Variants in METAP1 observed in about 807,000 individuals in gnomAD.
METAP1 encodes methionyl aminopeptidase 1, also known as methionine aminopeptidase 1.
A neutral mutation model predicts 53.8 loss-of-function variants in METAP1; 28 were observed. The ratio of observed to expected loss-of-function variants is 0.52; its 90% CI spans 0.39 to 0.71. METAP1 has a LOEUF of 0.71. Among genes scored for constraint, METAP1 ranks in the 30% least tolerant of loss-of-function variants. METAP1 has a pLI of 0.00. For synonymous variants in METAP1, 181 were observed against 165.7 expected (o/e 1.09, Z -0.71); for missense variants, 389 against 479.8 (o/e 0.81, Z 1.77).
chr4:98,995,978 C>T (rs564034374), intron 1 of METAP1, 111 bp downstream of exon 1: 4 of 850,664 alleles, frequency 4.7e-6, no homozygotes, highest in East Asian at 3.0e-5. Context: ...CCTCCTCTTC[C>T]CCCCGGCCGC....
rs1161006804 is a variant in METAP1, at chr4:99,043,106, C to G, written c.517-143C>G. 3.8e-5 allele frequency: 24 copies of G among 639,954 alleles called. No individual in the cohort carries two copies. In the Admixed American group the frequency reaches 7.8e-4, roughly 21 times the overall value. 39.6% of individuals were successfully genotyped at this position (639,954 alleles called of 1,614,324 possible). The stretch of plus-strand genomic sequence containing the variant: ...TGTTGTATATTGTTTAAGATAATAT[C>G]CAGTACTGTTACTAAAATAAAATAC... On this transcript the variant is annotated intron_variant, in intron 6 of 10. Transcript: ENST00000296411.
At chr4:98,996,177 C>G (rs1359405764) in intron 1 of METAP1, among the ~76,000 whole-genome samples, 3 of 151,966 alleles carry the variant, frequency 2.0e-5, no homozygotes, top group Non-Finnish European at 4.4e-5. Flanking sequence ...GGGGCCGGTT[C>G]CCCGCGCTGG....
At chr4:99,016,511 C>T (rs774501283) in intron 1 of METAP1, among the ~76,000 whole-genome samples, 3 of 152,144 alleles carry the variant, frequency 2.0e-5, no homozygotes, top group Non-Finnish European at 4.4e-5. Context: ...TTATCTGAGT[C>T]AACATTTTCT....
chr4:99,052,060 CAATA>C (rs1403725562), intron 9 of METAP1, among the ~76,000 whole-genome samples: 1 of 152,136 alleles, frequency 6.6e-6, no homozygotes, highest in African/African-American at 2.4e-5. Context: ...GTGAATATCA[CAATA>C]AAGCAAGTCA....
intron 8 of METAP1, among the ~76,000 whole-genome samples, chr4:99,048,008 A>G (rs1267373059): frequency 1.3e-5 from 2 of 152,198 alleles, no homozygotes; most frequent in African/African-American, 4.8e-5. Context: ...GTCCAGGCTG[A>G]AACTCAGGAC....
At chr4:98,998,260 C>T (rs1433134626) in intron 1 of METAP1, among the ~76,000 whole-genome samples, 5 of 152,326 alleles carry the variant, frequency 3.3e-5, no homozygotes, top group African/African-American at 7.2e-5. Flanking sequence ...TGGTGGCTCA[C>T]ACCTGTAATC....
chr4:99,022,185 G>A (rs1724157836), intron 1 of METAP1: 1 of 352,968 alleles, frequency 2.8e-6, no homozygotes, highest in Non-Finnish European at 5.0e-6. Context: ...TCCACGTTTG[G>A]GCCCTCACCA....
chr4:99,042,089 AAG>A lies in METAP1; in HGVS notation c.516+970_516+971del, dbSNP rs1173617555. Reference sequence around the variant, plus strand: ...CGTTTTATAGGTAAGGAAACTGAGGAAGAGAGAGGTTAATTAATTAAATTGGT... The same window carrying A: ...CGTTTTATAGGTAAGGAAACTGAGGAAGAGAGGTTAATTAATTAAATTGGT... On this transcript the variant is annotated intron_variant, in intron 6 of 10. Transcript: ENST00000296411. Among the ~76,000 whole-genome samples the A allele has an allele frequency of 2.6e-5, 4 of 152,030 alleles. No individual in the cohort carries two copies. In the East Asian group the frequency reaches 5.8e-4, roughly 22 times the overall value.
At chr4:99,005,850 C>T (rs372108944) in intron 1 of METAP1, 8 of 398,492 alleles carry the variant, frequency 2.0e-5, no homozygotes, top group South Asian at 1.3e-4. Context: ...GTCTCGCTTA[C>T]AAGTAGGAGC....
chr4:99,047,099 A>AT lies in METAP1; in HGVS notation c.788-1633dup, dbSNP rs1438453608. Among the ~76,000 whole-genome samples the AT allele has an allele frequency of 2.6e-5, 4 of 152,230 alleles. No homozygotes were observed. In the South Asian group the frequency reaches 8.3e-4, roughly 32 times the overall value. On this transcript the variant is annotated intron_variant, in intron 8 of 10. Coordinates refer to ENST00000296411, the MANE Select transcript of METAP1 (RefSeq NM_015143.3). ...GAAAGTGCTTTGAATTCCTTTGTATATATCATTTTTGCCCCTCATTTTGCA... is the reference window on the plus strand; with the variant it reads ...GAAAGTGCTTTGAATTCCTTTGTATATTATCATTTTTGCCCCTCATTTTGCA...
At chr4:99,027,847 T>C (rs1724680546) in intron 1 of METAP1, among the ~76,000 whole-genome samples, 1 of 152,180 alleles carries the variant, frequency 6.6e-6, no homozygotes, top group South Asian at 2.1e-4. Context: ...GAGAAAGTAG[T>C]GAAGATTCTA....
Position 99,025,513 on chromosome 4 carries a change from C to T in METAP1, c.115-3354C>T, listed in dbSNP as rs944709746. 10 of 933,084 alleles carry T rather than the reference C, an allele frequency of 1.1e-5. No individual in the cohort carries two copies. In the South Asian group the frequency reaches 4.0e-4, roughly 37 times the overall value. 57.8% of individuals were successfully genotyped at this position (933,084 alleles called of 1,614,324 possible). ...TGATTGAATTTGAAGTGGGGAATAA[C>T]ATGGCTATTTATTTGTAAAGAAAAG... On this transcript the variant is annotated intron_variant, in intron 1 of 10. Coordinates refer to ENST00000296411, the MANE Select transcript of METAP1 (RefSeq NM_015143.3).
intron 2 of METAP1, among the ~76,000 whole-genome samples, chr4:99,033,415 T>G (rs1431270135): frequency 6.6e-6 from 1 of 152,136 alleles, no homozygotes; most frequent in Non-Finnish European, 1.5e-5. Flanking sequence ...AAAGTCTTAT[T>G]TTACTATGTG....
At chr4:99,050,559 T>C (rs1012430768) in intron 9 of METAP1, among the ~76,000 whole-genome samples, 1 of 152,180 alleles carries the variant, frequency 6.6e-6, no homozygotes, top group African/African-American at 2.4e-5. Context: ...CCCCAGCCCC[T>C]GGGCCGCAGA....
At chr4:99,001,458 C>T (rs1036001066) in intron 1 of METAP1, among the ~76,000 whole-genome samples, 3 of 152,122 alleles carry the variant, frequency 2.0e-5, no homozygotes, top group Admixed American at 6.5e-5. Flanking sequence ...TTCTTAAGAA[C>T]ATATTTGCGT....
At chr4:99,014,665 G>C (rs944615556) in intron 1 of METAP1, among the ~76,000 whole-genome samples, 2 of 151,982 alleles carry the variant, frequency 1.3e-5, no homozygotes, top group African/African-American at 4.8e-5. Flanking sequence ...TTGGTGGTGG[G>C]GTGTTTCCTA....
At chr4:99,000,459 A>G (rs1338233188) in intron 1 of METAP1, among the ~76,000 whole-genome samples, 1 of 152,146 alleles carries the variant, frequency 6.6e-6, no homozygotes, top group African/African-American at 2.4e-5. Context: ...CAGGGTGCCT[A>G]GTAGAGCATA....
At chr4:99,050,517 GA>G (rs1726615222) in intron 9 of METAP1, among the ~76,000 whole-genome samples, 1 of 152,128 alleles carries the variant, frequency 6.6e-6, no homozygotes, top group South Asian at 2.1e-4. Context: ...CTTTCTAAGG[GA>G]GAAGCTGGAG....
At chr4:99,060,386 C>T (rs1022781526) in intron 10 of METAP1, among the ~76,000 whole-genome samples, 126 of 108,760 alleles carry the variant, frequency 1.2e-3, no homozygotes, top group African/African-American at 4.2e-3. Context: ...TTTTTTGAGA[C>T]GGAGTCTTGG....
Sources: gnomAD v4.1 joint callset for allele counts (sites outside exome capture counted in the v4.1 genomes callset) on GRCh38, gnomAD v4.1.1 for gene constraint, MANE v1.5 for transcripts, NCBI Gene and HGNC (gene_info 2026-07-23, HGNC 2026-07-21) for gene names.